MAGI2: variants seen among roughly 807,000 people sequenced by gnomAD.
MAGI2 encodes membrane associated guanylate kinase, WW and PDZ domain containing 2, also known as membrane-associated guanylate kinase, WW and PDZ domain-containing protein 2.
A neutral mutation model predicts 133.3 loss-of-function variants in MAGI2; 35 were observed. That is an observed-to-expected ratio of 0.26 (90% confidence interval 0.20 to 0.35). The LOEUF (loss-of-function observed/expected upper bound fraction) is 0.35, where lower values mean the gene tolerates loss of function less well. Ranked by LOEUF, MAGI2 falls within the 10% of genes least tolerant of loss-of-function variation. MAGI2 has a pLI of 1.00. For synonymous variants in MAGI2, 729 were observed against 710.6 expected, an observed-to-expected ratio of 1.03 and a Z score of -0.41; for missense variants, 1,636 against 1,863.4, an observed-to-expected ratio of 0.88 and a Z score of 2.25.
intron 10 of MAGI2, among the ~76,000 whole-genome samples, chr7:78,216,774 TG>T (rs1351219729): frequency 6.6e-6 from 1 of 152,188 alleles, no homozygotes; most frequent in African/African-American, 2.4e-5. Context: ...CCCATTTCCA[TG>T]GTTGAGACCA....
At chr7:79,148,802 C>T (rs1464032791) in intron 1 of MAGI2, among the ~76,000 whole-genome samples, 1 of 150,034 alleles carries the variant, frequency 6.7e-6, no homozygotes, top group Admixed American at 6.7e-5. Flanking sequence ...GTATTGTATA[C>T]TATTTGGTGG....
intron 7 of MAGI2, among the ~76,000 whole-genome samples, chr7:78,367,863 C>A (rs574184216): frequency 4.6e-5 from 7 of 152,134 alleles, no homozygotes; most frequent in Admixed American, 2.6e-4. Context: ...TACTTTAATT[C>A]ATCAGCAATC....
intron 9 of MAGI2, among the ~76,000 whole-genome samples, chr7:78,312,091 G>T (rs1461201758): frequency 6.6e-6 from 1 of 151,926 alleles, no homozygotes; most frequent in Non-Finnish European, 1.5e-5. Flanking sequence ...TCTGTTAAAG[G>T]AACAGAAGGG....
chr7:78,256,333 G>A lies in MAGI2; in HGVS notation c.1657C>T (p.Arg553Trp), dbSNP rs201984030. The change falls in exon 10 of 22, where the codon CGG becomes TGG. Residue 553 changes from arginine to tryptophan, a missense_variant. Physicochemically the swap from Arg to Trp is moderately radical, Grantham distance 101. Coordinates refer to ENST00000354212, the MANE Select transcript of MAGI2 (RefSeq NM_012301.4). ...NYETYLEYIS[R>W]TSQSVPDITD... The stretch of plus-strand genomic sequence containing the variant: ...ATATCTGGAACTGACTGTGAGGTCC[G>A]AGAAATGTACTCCAAATATGTTTCA... The A allele has an allele frequency of 1.3e-5, 21 of 1,614,092 alleles. No individual in the cohort carries two copies. The highest frequency in any genetic ancestry group is 2.2e-5 in the East Asian group (1 of 44,842).
chr7:78,688,697 T>C (rs985050836), intron 2 of MAGI2, among the ~76,000 whole-genome samples: 1 of 152,178 alleles, frequency 6.6e-6, no homozygotes, highest in Non-Finnish European at 1.5e-5. Flanking sequence ...CTGGCTCCTT[T>C]GAAGTGAGAG....
intron 6 of MAGI2, among the ~76,000 whole-genome samples, chr7:78,392,391 T>C: frequency 6.6e-6 from 1 of 152,270 alleles, no homozygotes; most frequent in East Asian, 1.9e-4. Flanking sequence ...AGAGAGATAC[T>C]TTTGCAGAGA....
chr7:78,429,448 A>T (rs17150722), intron 6 of MAGI2, among the ~76,000 whole-genome samples: 17,580 of 151,584 alleles, frequency 0.12, 1,095 homozygotes, highest in Middle Eastern at 0.16. Flanking sequence ...TCCACTGAAA[A>T]CTCCCGTGGA....
intron 2 of MAGI2, among the ~76,000 whole-genome samples, chr7:78,999,340 T>A (rs1200333009): frequency 6.6e-6 from 1 of 151,942 alleles, no homozygotes; most frequent in Non-Finnish European, 1.5e-5. Context: ...TCCTTTATTC[T>A]CAAACTAGTG....
intron 2 of MAGI2, among the ~76,000 whole-genome samples, chr7:78,872,619 GTT>G (rs559035934): frequency 7.0e-6 from 1 of 143,734 alleles, no homozygotes. Context: ...TCCTTACTGA[GTT>G]TTTTTTTTTT....
intron 2 of MAGI2, among the ~76,000 whole-genome samples, chr7:78,746,699 T>C (rs1822957205): frequency 6.6e-6 from 1 of 152,198 alleles, no homozygotes; most frequent in South Asian, 2.1e-4. Context: ...CTCAATTTGT[T>C]TTTAAAGCAC....
intron 9 of MAGI2, among the ~76,000 whole-genome samples, chr7:78,338,254 G>A (rs986702516): frequency 5.3e-5 from 8 of 151,944 alleles, no homozygotes; most frequent in Non-Finnish European, 2.9e-5. Flanking sequence ...ACACGGTGGC[G>A]GCGTACCGCT....
At chr7:78,476,358 A>G (rs1791750166) in intron 6 of MAGI2, among the ~76,000 whole-genome samples, 1 of 151,986 alleles carries the variant, frequency 6.6e-6, no homozygotes, top group African/African-American at 2.4e-5. Context: ...TATAAATTAG[A>G]AAAAGTTGAA....
intron 15 of MAGI2, among the ~76,000 whole-genome samples, chr7:78,162,682 T>C (rs1825192241): frequency 6.6e-6 from 1 of 152,174 alleles, no homozygotes; most frequent in South Asian, 2.1e-4. Context: ...TATACATTAA[T>C]AGGATACTTT....
chr7:78,405,259 C>G (rs1343578614), intron 6 of MAGI2, among the ~76,000 whole-genome samples: 1 of 152,080 alleles, frequency 6.6e-6, no homozygotes, highest in African/African-American at 2.4e-5. Context: ...TCTGAGAAAT[C>G]TCTGAAATAA....
At chr7:78,949,016 T>TA (rs929412180) in intron 2 of MAGI2, among the ~76,000 whole-genome samples, 4 of 152,028 alleles carry the variant, frequency 2.6e-5, no homozygotes, top group Admixed American at 6.6e-5. Flanking sequence ...AGAAAACTTA[T>TA]AAAAAAACTT....
At chr7:79,312,015 C>T (rs779618319) in intron 1 of MAGI2, among the ~76,000 whole-genome samples, 11 of 152,130 alleles carry the variant, frequency 7.2e-5, no homozygotes, top group Non-Finnish European at 1.6e-4. Context: ...TATTTTTCTC[C>T]TGAGGCAACT....
At position 78,255,936 on chromosome 7, in the gene MAGI2, G is replaced by C; in HGVS notation, c.2047+7C>G. 6.2e-7 allele frequency: 1 copy of C among 1,613,070 alleles called. No homozygotes were observed. ...ATATTTTATTGCTGAGCCAGTGTTTGTCTTACCTCCTCGATGGATAATCAA... is the reference window on the plus strand; with the variant it reads ...ATATTTTATTGCTGAGCCAGTGTTTCTCTTACCTCCTCGATGGATAATCAA... On this transcript the variant is annotated splice_region_variant and intron_variant, in intron 10 of 21. Coordinates refer to ENST00000354212, the MANE Select transcript of MAGI2 (RefSeq NM_012301.4).
chr7:78,172,500 C>A (rs980786749), intron 14 of MAGI2, among the ~76,000 whole-genome samples: 15 of 152,186 alleles, frequency 9.9e-5, no homozygotes, highest in African/African-American at 3.4e-4. Context: ...GCTGGAAATC[C>A]CATTTTTGTT....
intron 1 of MAGI2, among the ~76,000 whole-genome samples, chr7:79,188,802 T>C (rs980690221): frequency 6.6e-6 from 1 of 151,800 alleles, no homozygotes; most frequent in Non-Finnish European, 1.5e-5. Context: ...AAGGGAAAAA[T>C]AATAAGTCAC....
Sources: gnomAD v4.1 joint callset for allele counts (sites outside exome capture counted in the v4.1 genomes callset) on GRCh38, gnomAD v4.1.1 for gene constraint, MANE v1.5 for transcripts, NCBI Gene and HGNC (gene_info 2026-07-23, HGNC 2026-07-21) for gene names.